LRRC4C: variants seen among roughly 807,000 people sequenced by gnomAD.
LRRC4C encodes the protein leucine-rich repeat-containing protein 4C.
Under a neutral mutation model 33.6 loss-of-function variants are expected in LRRC4C, and 5 were observed. That is an observed-to-expected ratio of 0.15 (90% CI 0.08 to 0.31). The LOEUF (loss-of-function observed/expected upper bound fraction) is 0.31, where lower values mean the gene tolerates loss of function less well. LRRC4C is among the 10% of genes least tolerant of loss of function. The pLI is 1.00. For synonymous variants in LRRC4C, 329 were observed against 302.0 expected (o/e 1.09, Z -0.93); for missense variants, 560 against 796.7 (o/e 0.70, Z 3.58).
chr11:41,393,266 C>T lies in LRRC4C; in HGVS notation c.-496+66165G>A, dbSNP rs149013672. On this transcript the variant is annotated intron_variant, in intron 1 of 6. Transcript: ENST00000528697. ...TGGGAGAAGAGGCAAAAACTGTTGGCAAACTACATCTCCATAGATGCTGGG... is the reference window on the plus strand; with the variant it reads ...TGGGAGAAGAGGCAAAAACTGTTGGTAAACTACATCTCCATAGATGCTGGG... Among the ~76,000 whole-genome samples the T allele has an allele frequency of 8.3e-3, 1,257 of 151,972 alleles. 7 individuals are homozygous for T. The highest frequency in any genetic ancestry group is 0.024 in the Middle Eastern group (7 of 294).
intron 2 of LRRC4C, among the ~76,000 whole-genome samples, chr11:40,917,832 T>C (rs996650989): frequency 3.3e-5 from 5 of 152,164 alleles, no homozygotes; most frequent in Non-Finnish European, 5.9e-5. Flanking sequence ...CACAGTCTGC[T>C]TGAATAACAT....
chr11:40,318,376 G>T (rs1375695734), intron 4 of LRRC4C, among the ~76,000 whole-genome samples: 1 of 151,774 alleles, frequency 6.6e-6, no homozygotes, highest in African/African-American at 2.4e-5. Context: ...ACATTTTTTG[G>T]AATGAAATGA....
At chr11:40,919,601 G>C (rs970113739) in intron 2 of LRRC4C, among the ~76,000 whole-genome samples, 1 of 152,036 alleles carries the variant, frequency 6.6e-6, no homozygotes, top group Admixed American at 6.6e-5. Flanking sequence ...TTATCTTACT[G>C]TCTGTCTCCT....
chr11:41,057,870 C>A (rs1243347462), intron 1 of LRRC4C, among the ~76,000 whole-genome samples: 2 of 152,136 alleles, frequency 1.3e-5, no homozygotes, highest in East Asian at 1.9e-4. Context: ...AATTGTGTAG[C>A]CGAGAGGAGC....
chr11:40,458,706 A>G (rs978233691), intron 3 of LRRC4C, among the ~76,000 whole-genome samples: 14 of 152,300 alleles, frequency 9.2e-5, no homozygotes, highest in African/African-American at 3.1e-4. Flanking sequence ...CCAACAGTCT[A>G]CTGAAAGAAT....
intron 2 of LRRC4C, among the ~76,000 whole-genome samples, chr11:40,884,872 A>G (rs540755004): frequency 2.2e-3 from 335 of 152,222 alleles, no homozygotes; most frequent in African/African-American, 7.0e-3. Context: ...AAGTAAAACA[A>G]TGGAGAAACA....
intron 3 of LRRC4C, among the ~76,000 whole-genome samples, chr11:40,539,876 T>C (rs1956631573): frequency 6.6e-6 from 1 of 152,190 alleles, no homozygotes; most frequent in South Asian, 2.1e-4. Context: ...CCAAATTTTA[T>C]TCTTTTTAAA....
intron 4 of LRRC4C, among the ~76,000 whole-genome samples, chr11:40,304,662 A>C (rs1944939305): frequency 6.6e-6 from 1 of 152,164 alleles, no homozygotes; most frequent in Admixed American, 6.5e-5. Flanking sequence ...AATAAAATTA[A>C]AATACCTTGT....
At chr11:40,524,087 G>A (rs1040462958) in intron 3 of LRRC4C, among the ~76,000 whole-genome samples, 1 of 152,086 alleles carries the variant, frequency 6.6e-6, no homozygotes, top group Non-Finnish European at 1.5e-5. Context: ...AAAGAGAGAT[G>A]ATTAATTACC....
chr11:40,911,055 G>C (rs1205490771), intron 2 of LRRC4C, among the ~76,000 whole-genome samples: 2 of 152,156 alleles, frequency 1.3e-5, no homozygotes, highest in African/African-American at 2.4e-5. Flanking sequence ...TGGGAAGCTC[G>C]AACTGGGTGG....
chr11:40,207,799 T>C (rs921565314), intron 5 of LRRC4C, among the ~76,000 whole-genome samples: 20 of 152,166 alleles, frequency 1.3e-4, no homozygotes, highest in Non-Finnish European at 2.5e-4. Context: ...CTATTTCACT[T>C]GATTCACACT....
intron 3 of LRRC4C, among the ~76,000 whole-genome samples, chr11:40,402,898 G>C (rs1452531200): frequency 6.6e-6 from 1 of 152,026 alleles, no homozygotes; most frequent in African/African-American, 2.4e-5. Flanking sequence ...TCTTTCATAA[G>C]ACCAGTTCCA....
chr11:40,905,065 C>G (rs1183630750), intron 2 of LRRC4C, among the ~76,000 whole-genome samples: 2 of 152,060 alleles, frequency 1.3e-5, no homozygotes, highest in Non-Finnish European at 2.9e-5. Flanking sequence ...GAGAAAAGAG[C>G]CCAAGTCTGA....
chr11:40,238,286 A>G, intron 5 of LRRC4C, among the ~76,000 whole-genome samples: 1 of 152,172 alleles, frequency 6.6e-6, no homozygotes, highest in Non-Finnish European at 1.5e-5. Flanking sequence ...CTGTTTCCTG[A>G]CATGTTCTTA....
intron 1 of LRRC4C, among the ~76,000 whole-genome samples, chr11:41,261,366 T>A (rs1948977316): frequency 1.3e-5 from 2 of 152,118 alleles, no homozygotes; most frequent in Admixed American, 6.6e-5. Flanking sequence ...ATAAGGTATT[T>A]TTTTTGTAGC....
chr11:41,171,453 GA>G (rs1236341795), intron 1 of LRRC4C, among the ~76,000 whole-genome samples: 1 of 152,014 alleles, frequency 6.6e-6, no homozygotes, highest in Non-Finnish European at 1.5e-5. Context: ...CCTTTGTAGG[GA>G]CATGGATGAA....
rs546563307 is a variant in LRRC4C at position 41,356,273 on chromosome 11, A to G, written c.-496+103158T>C. Among the ~76,000 whole-genome samples the G allele has an allele frequency of 4.6e-5, 7 of 152,284 alleles. No individual in the cohort carries two copies. The South Asian group carries it at 8.3e-4, about 18-fold the overall frequency. ...TGTTATAGGTACCAGATGTGATCTC[A>G]AACAATTTGCCCTCTTGATTTTATA... On this transcript the variant is annotated intron_variant, in intron 1 of 6. Transcript: ENST00000528697.
At chr11:40,189,442 A>C (rs916994232) in intron 5 of LRRC4C, among the ~76,000 whole-genome samples, 3 of 152,168 alleles carry the variant, frequency 2.0e-5, no homozygotes, top group Admixed American at 2.0e-4. Context: ...AGTTAGGAAG[A>C]CCTGGGTTCA....
intron 1 of LRRC4C, among the ~76,000 whole-genome samples, chr11:41,066,505 CGAG>C (rs1457328640): frequency 2.0e-5 from 3 of 152,092 alleles, no homozygotes; most frequent in Non-Finnish European, 2.9e-5. Flanking sequence ...AGGATATTAT[CGAG>C]GAGAACTTCC....
Sources: gnomAD v4.1 joint callset for allele counts (sites outside exome capture counted in the v4.1 genomes callset) on GRCh38, gnomAD v4.1.1 for gene constraint, MANE v1.5 for transcripts, NCBI Gene and HGNC (gene_info 2026-07-23, HGNC 2026-07-21) for gene names.